Variants in DNAH2 observed in about 807,000 individuals in gnomAD.
DNAH2 encodes axonemal beta dynein heavy chain 2.
A neutral mutation model predicts 523.5 loss-of-function variants in DNAH2; 323 were observed. That is an observed-to-expected ratio of 0.62 (90% confidence interval 0.56 to 0.68). The LOEUF (loss-of-function observed/expected upper bound fraction) is 0.68. Ranked by LOEUF, DNAH2 falls within the 30% of genes least tolerant of loss-of-function variation. The pLI, the probability that DNAH2 is intolerant of heterozygous loss-of-function variation, is 0.00. For synonymous variants in DNAH2, 2,093 were observed against 2,177.4 expected (o/e 0.96, Z 1.08); for missense variants, 4,907 against 5,701.5 (o/e 0.86, Z 4.49).
chr17:7,818,136 G>T (rs752281661), intron 68 of DNAH2, 40 bp downstream of exon 68: 53 of 1,607,514 alleles, frequency 3.3e-5, no homozygotes, highest in Non-Finnish European at 4.3e-5. Context: ...TGGGATGCTA[G>T]GGAGGGAAGG....
At chr17:7,755,709 G>C (rs956415471) in intron 12 of DNAH2, among the ~76,000 whole-genome samples, 1 of 152,114 alleles carries the variant, frequency 6.6e-6, no homozygotes. Context: ...TGGCATGGGA[G>C]TGGCAGCTGG....
Position 7,734,460 on chromosome 17 carries a change from T to A in DNAH2, c.740-10T>A. ...AAGAAACGAAGGAGATTTTGTACTC[T>A]CCCCTGCAGCCTCCATGATCCACTG... On this transcript the variant is annotated splice_polypyrimidine_tract_variant and intron_variant, in intron 6 of 85. Coordinates refer to ENST00000572933, the MANE Select transcript of DNAH2 (RefSeq NM_020877.5). The A allele has an allele frequency of 1.9e-6, 3 of 1,613,230 alleles. No individual in the cohort carries two copies. The highest frequency in any genetic ancestry group is 2.5e-6 in the Non-Finnish European group (3 of 1,179,664).
intron 30 of DNAH2, among the ~76,000 whole-genome samples, 178 bp from the exon 31 acceptor site, chr17:7,775,846 G>A (rs1273404948): frequency 1.3e-5 from 2 of 152,114 alleles, no homozygotes; most frequent in African/African-American, 4.8e-5. Flanking sequence ...CCTTCTGAAA[G>A]TCAGATCATC....
At position 7,793,788 on chromosome 17, in the gene DNAH2, G is replaced by A. The variant is rs374381959; in HGVS notation, c.7570-466G>A. On this transcript the variant is annotated intron_variant, in intron 48 of 85. Coordinates refer to ENST00000572933, the MANE Select transcript of DNAH2 (RefSeq NM_020877.5). ...TGCTTCTCTTTAATCAGCGGCCATC[G>A]CGGCCTGGCTCCTGGGGTTGTTTGT... Among the ~76,000 whole-genome samples, 19 of 152,012 alleles carry A rather than the reference G, an allele frequency of 1.2e-4. No homozygotes were observed. The East Asian group carries it at 3.3e-3, about 26-fold the overall frequency.
intron 39 of DNAH2, among the ~76,000 whole-genome samples, chr17:7,785,724 T>A (rs973637393): frequency 6.6e-6 from 1 of 152,224 alleles, no homozygotes; most frequent in Non-Finnish European, 1.5e-5. Flanking sequence ...AGCTCTGCAA[T>A]AGGACGAAAT....
chr17:7,759,464 A>G lies in DNAH2; in HGVS notation c.2491A>G (p.Met831Val), dbSNP rs371960954. The G allele has an allele frequency of 1.4e-5, 23 of 1,613,992 alleles. No individual in the cohort carries two copies. Among genetic ancestry groups the G allele is most frequent in the African/African-American group, 2.7e-5 (2 of 74,908 alleles). The change falls in exon 16 of 86, where the codon ATG becomes GTG. Residue 831 changes from methionine to valine, a missense_variant. Met to Val is a conservative substitution (Grantham distance 21, BLOSUM62 1). This residue lies in a region of DNAH2 where 2,806 missense variants were observed against 3,190.8 expected (regional missense o/e 0.88). Coordinates refer to ENST00000572933, the MANE Select transcript of DNAH2 (RefSeq NM_020877.5). ...WMLYMIRLDR[M>V]MEDALRLNVK... Reference sequence around the variant, plus strand: ...GCTGTACATGATTCGGCTGGACCGCATGATGGAGGATGCCCTGCGCCTGAA... The same window carrying G: ...GCTGTACATGATTCGGCTGGACCGCGTGATGGAGGATGCCCTGCGCCTGAA...
rs1393817297 is a variant in DNAH2, at chr17:7,738,120, A to G, written c.1170+862A>G. On this transcript the variant is annotated intron_variant, in intron 8 of 85. Coordinates refer to ENST00000572933, the MANE Select transcript of DNAH2 (RefSeq NM_020877.5). ...GTACAGGCTGTGCAGATGCACATCCAGTATGATACGCCTCCCCTAACATCC... is the reference window on the plus strand; with the variant it reads ...GTACAGGCTGTGCAGATGCACATCCGGTATGATACGCCTCCCCTAACATCC... The G allele has an allele frequency of 4.3e-6, 3 of 703,436 alleles. No individual in the cohort carries two copies. In the South Asian group the frequency reaches 4.4e-5, roughly 10 times the overall value. 43.6% of individuals were successfully genotyped at this position (703,436 alleles called of 1,614,324 possible).
At chr17:7,797,918 A>C in intron 53 of DNAH2, 89 bp downstream of exon 53, 1 of 1,505,410 alleles carries the variant, frequency 6.6e-7, no homozygotes, top group Non-Finnish European at 8.9e-7. Flanking sequence ...AGGTCTCCCA[A>C]ATCAAGTTCC....
At chr17:7,790,017 T>C (rs1454790374) in intron 44 of DNAH2, among the ~76,000 whole-genome samples, 1 of 152,154 alleles carries the variant, frequency 6.6e-6, no homozygotes, top group Non-Finnish European at 1.5e-5. Flanking sequence ...TGTGTCTGCT[T>C]TGCATAGTAA....
rs571881463 is a variant in DNAH2 at position 7,721,163 on chromosome 17, C to T, written c.166+1263C>T. 1.2e-3 allele frequency among the ~76,000 whole-genome samples: 181 copies of T among 152,034 alleles called. 3 individuals carry two copies. The highest frequency in any genetic ancestry group is 3.7e-3 in the African/African-American group (154 of 41,480). On this transcript the variant is annotated intron_variant, in intron 2 of 85. Transcript: ENST00000572933. ...AGCTGGGATTACAGGCATACACCACCATGCCCAGCTTATTTTTTTTATTTT... is the reference window on the plus strand; with the variant it reads ...AGCTGGGATTACAGGCATACACCACTATGCCCAGCTTATTTTTTTTATTTT...
intron 15 of DNAH2, 43 bp from the exon 16 acceptor site, chr17:7,759,379 T>A (rs2075939583): frequency 6.4e-7 from 1 of 1,571,814 alleles, no homozygotes; most frequent in Non-Finnish European, 8.6e-7. Flanking sequence ...ATGTGCCCTG[T>A]CTTCCCTGAA....
At chr17:7,720,037 T>C in intron 2 of DNAH2, 137 bp downstream of exon 2, 1 of 1,093,380 alleles carries the variant, frequency 9.1e-7, no homozygotes, top group Non-Finnish European at 1.2e-6. Context: ...CCCCCAGCCA[T>C]GGAGGTTCAG....
At chr17:7,749,594 T>A (rs549492302) in intron 12 of DNAH2, among the ~76,000 whole-genome samples, 1 of 152,262 alleles carries the variant, frequency 6.6e-6, no homozygotes, top group South Asian at 2.1e-4. Context: ...TGTTTAGGGC[T>A]TATCTTATTA....
At chr17:7,806,202 C>G (rs1313251711) in intron 61 of DNAH2, among the ~76,000 whole-genome samples, 1 of 152,216 alleles carries the variant, frequency 6.6e-6, no homozygotes, top group Non-Finnish European at 1.5e-5. Context: ...TTTTGCCCAA[C>G]TGTAGGCTTA....
chr17:7,737,565 G>A (rs574736892), intron 8 of DNAH2, among the ~76,000 whole-genome samples: 15 of 152,320 alleles, frequency 9.8e-5, no homozygotes, highest in African/African-American at 3.6e-4. Context: ...TGAGCTGTGT[G>A]GAAGGAAAAG....
In DNAH2 at chr17:7,794,388, G is replaced by A. The variant is rs1396574672; in HGVS notation, c.7674+30G>A. The A allele has an allele frequency of 1.9e-6, 3 of 1,577,936 alleles. No homozygotes were observed. The African/African-American group carries it at 4.1e-5, about 22-fold the overall frequency. ...GGACCTCATGGGGGCTGCAGGACGA[G>A]GGGAGGGTAGGAGGTGAAACGTGTC... On this transcript the variant is annotated intron_variant, in intron 49 of 85. Transcript: ENST00000572933.
In DNAH2 at chr17:7,805,203, GTCT is replaced by G. The variant is rs780103591; in HGVS notation, c.9301-48_9301-46del. On this transcript the variant is annotated intron_variant, in intron 60 of 85. Coordinates refer to ENST00000572933, the MANE Select transcript of DNAH2 (RefSeq NM_020877.5). ...AGAGGTGGCACCTCAGCTAGGTTCT[GTCT>G]CCAGAAGGTCCTGTCTTACCCTCAC... The G allele has an allele frequency of 9.7e-4, 1,552 of 1,606,792 alleles. 2 individuals are homozygous for G. Among genetic ancestry groups the G allele is most frequent in the Admixed American group, 1.4e-3 (82 of 59,424 alleles).
rs1043758771 is a variant in DNAH2 at position 7,796,419 on chromosome 17, T to C, written c.7675-45T>C. 3 of 1,602,088 alleles carry C rather than the reference T, an allele frequency of 1.9e-6. No homozygotes were observed. In the East Asian group the frequency reaches 6.7e-5, roughly 36 times the overall value. ...GCTCTTTATTGGCTTCCCCTCTGGC[T>C]AGAAGGCCAGCAGCCCTGGAGAGTG... On this transcript the variant is annotated intron_variant, in intron 49 of 85. Coordinates refer to ENST00000572933, the MANE Select transcript of DNAH2 (RefSeq NM_020877.5).
chr17:7,831,013 G>A lies in DNAH2; in HGVS notation c.12231-73G>A. On this transcript the variant is annotated intron_variant, in intron 79 of 85. Coordinates refer to ENST00000572933, the MANE Select transcript of DNAH2 (RefSeq NM_020877.5). The surrounding 1 kb of genome is among the most constrained non-coding windows in gnomAD (Gnocchi z 4.2). ...GAGCTGGACAAATTGGACATGCATAGGTTTGGGGTCTTGGCCTGGCATTGA... is the reference window on the plus strand; with the variant it reads ...GAGCTGGACAAATTGGACATGCATAAGTTTGGGGTCTTGGCCTGGCATTGA... 1 of 1,534,808 alleles carries A rather than the reference G, an allele frequency of 6.5e-7. No individual in the cohort carries two copies. Among genetic ancestry groups the A allele is most frequent in the African/African-American group, 1.4e-5 (1 of 73,664 alleles).
Sources: gnomAD v4.1 joint callset for allele counts (sites outside exome capture counted in the v4.1 genomes callset) on GRCh38, gnomAD v4.1.1 for gene constraint, gnomAD v4.1.1 regional missense constraint, Gnocchi (gnomAD v3.1) non-coding constraint, MANE v1.5 for transcripts, NCBI Gene and HGNC (gene_info 2026-07-23, HGNC 2026-07-21) for gene names.